DGKD: variants seen among roughly 807,000 people sequenced by gnomAD.
DGKD encodes DAG kinase delta.
In DGKD, 68 loss-of-function variants were observed where a neutral mutation model predicts 154.4. The ratio of observed to expected loss-of-function variants is 0.44; its 90% CI spans 0.36 to 0.54. The LOEUF (loss-of-function observed/expected upper bound fraction) is 0.54, where lower values mean the gene tolerates loss of function less well. Among genes scored for constraint, DGKD ranks in the 20% least tolerant of loss-of-function variants. The pLI, the probability that DGKD is intolerant of heterozygous loss-of-function variation, is 0.00. For synonymous variants in DGKD, 693 were observed against 638.0 expected, an observed-to-expected ratio of 1.09 and a Z score of -1.30; for missense variants, 1,343 against 1,593.6, an observed-to-expected ratio of 0.84 and a Z score of 2.68.
At chr2:233,454,691 T>G in intron 18 of DGKD, 72 bp from the exon 19 acceptor site, 1 of 868,950 alleles carries the variant, frequency 1.2e-6, no homozygotes, top group Non-Finnish European at 1.9e-6. Flanking sequence ...AGAGAAATGC[T>G]GAGAGGTTGG....
At chr2:233,466,462 C>T (rs2063825531) in intron 27 of DGKD, among the ~76,000 whole-genome samples, 1 of 152,010 alleles carries the variant, frequency 6.6e-6, no homozygotes, top group South Asian at 2.1e-4. Context: ...CATAGTTTTA[C>T]TTTCAAGCTT....
chr2:233,378,273 G>A (rs1383028658), intron 1 of DGKD, among the ~76,000 whole-genome samples: 2 of 152,072 alleles, frequency 1.3e-5, no homozygotes, highest in African/African-American at 4.8e-5. Context: ...TTAGCTGGAT[G>A]TGGTGGCGGG....
At position 233,437,491 on chromosome 2, in the gene DGKD, A is replaced by G. The variant is rs2062738243; in HGVS notation, c.922+12A>G. On this transcript the variant is annotated intron_variant, in intron 8 of 29. Transcript: ENST00000264057. ...CATCGACTCCGATGGTGGGTACCAC[A>G]CATGCTTATCCTTCTCATGCACGCC... The G allele has an allele frequency of 1.2e-6, 2 of 1,612,630 alleles. No individual in the cohort carries two copies. The highest frequency in any genetic ancestry group is 2.2e-5 in the South Asian group (2 of 90,864).
intron 3 of DGKD, among the ~76,000 whole-genome samples, chr2:233,394,690 CCTTTTTTTTTTTTTTTTT>C (rs1286751021): frequency 6.0e-5 from 5 of 83,252 alleles, no homozygotes; most frequent in Non-Finnish European, 9.4e-5. Context: ...AATTTAATTC[CCTTTTTTTTTTTTTTTTT>C]TTTTTTTTTT....
chr2:233,355,833 G>T (rs1406909236), intron 1 of DGKD, among the ~76,000 whole-genome samples: 2 of 152,218 alleles, frequency 1.3e-5, no homozygotes, highest in Non-Finnish European at 2.9e-5. Flanking sequence ...ACTTGACATG[G>T]TTAGTTTATT....
chr2:233,454,631 TA>T (rs1450249049), intron 18 of DGKD, 131 bp from the exon 19 acceptor site: 1 of 615,642 alleles, frequency 1.6e-6, no homozygotes, highest in East Asian at 2.8e-5. Flanking sequence ...TATATCTTAA[TA>T]AATCTCTTAG....
At chr2:233,469,308 C>A in intron 29 of DGKD, 63 bp from the exon 30 acceptor site, 1 of 1,432,330 alleles carries the variant, frequency 7.0e-7, no homozygotes, top group Non-Finnish European at 9.6e-7. Flanking sequence ...GGCAGGCCTG[C>A]TGTGGAGCCC....
chr2:233,442,014 G>C lies in DGKD; in HGVS notation c.1194+19G>C. The C allele has an allele frequency of 1.9e-6, 3 of 1,605,944 alleles. No homozygotes were observed. Among genetic ancestry groups the C allele is most frequent in the Non-Finnish European group, 1.7e-6 (2 of 1,172,592 alleles). ...TAAACAGGTACCAGGACAGGAGGGA[G>C]CCCAGCCAGGAGCAGAGAGGGTGCG... On this transcript the variant is annotated intron_variant, in intron 10 of 29. Transcript: ENST00000264057.
intron 10 of DGKD, among the ~76,000 whole-genome samples, chr2:233,444,966 T>A (rs1395225078): frequency 6.6e-6 from 1 of 151,800 alleles, no homozygotes; most frequent in Non-Finnish European, 1.5e-5. Context: ...TCCTAAGCAA[T>A]GGAATGGTGT....
chr2:233,448,067 G>A lies in DGKD; in HGVS notation c.1420-20G>A. 6.2e-7 allele frequency: 1 copy of A among 1,613,696 alleles called. No homozygotes were observed. Among genetic ancestry groups the A allele is most frequent in the Non-Finnish European group, 8.5e-7 (1 of 1,179,950 alleles). On this transcript the variant is annotated intron_variant, in intron 12 of 29. Coordinates refer to ENST00000264057, the MANE Select transcript of DGKD (RefSeq NM_152879.3). The stretch of plus-strand genomic sequence containing the variant: ...GCTGTCACAGAGACCAACAGTCCTG[G>A]CCATTTGGGGTGATTGCAGGTACAG...
intron 3 of DGKD, among the ~76,000 whole-genome samples, chr2:233,415,420 G>A (rs1250573084): frequency 6.6e-6 from 1 of 152,206 alleles, no homozygotes; most frequent in African/African-American, 2.4e-5. Flanking sequence ...GGTGATGTCA[G>A]CTCCTTCACC....
At chr2:233,375,018 G>C (rs1408176978) in intron 1 of DGKD, among the ~76,000 whole-genome samples, 1 of 152,160 alleles carries the variant, frequency 6.6e-6, no homozygotes, top group African/African-American at 2.4e-5. Context: ...AGCCGGGCGT[G>C]GTGGCTCATG....
At position 233,410,638 on chromosome 2, in the gene DGKD, C is replaced by T. The variant is rs142230513; in HGVS notation, c.348+20155C>T. 7.1e-3 allele frequency among the ~76,000 whole-genome samples: 1,081 copies of T among 152,314 alleles called. 9 individuals are homozygous for T. The highest frequency in any genetic ancestry group is 0.025 in the African/African-American group (1,024 of 41,558). On this transcript the variant is annotated intron_variant, in intron 3 of 29. Transcript: ENST00000264057. ...TTGGATGATAAGCTATATGGTCACCCTGCTTATTCAGAGAAAGGTTCATAG... is the reference window on the plus strand; with the variant it reads ...TTGGATGATAAGCTATATGGTCACCTTGCTTATTCAGAGAAAGGTTCATAG...
In DGKD at chr2:233,463,905, C is replaced by T. The variant is rs111562986; in HGVS notation, c.3187-259C>T. Reference sequence around the variant, plus strand: ...CGACCCCATTTCTGACAGAGGGACACAAGCAGGTCAGTTGTCAGCCTTGCT... The same window carrying T: ...CGACCCCATTTCTGACAGAGGGACATAAGCAGGTCAGTTGTCAGCCTTGCT... On this transcript the variant is annotated intron_variant, in intron 26 of 29. Transcript: ENST00000264057. The T allele has an allele frequency of 5.0e-3, 2,341 of 469,548 alleles. 43 individuals are homozygous for T. The highest frequency in any genetic ancestry group is 0.04 in the African/African-American group (2,077 of 52,004). The allele number at this position is 469,548 out of a possible 1,614,324, so 29.1% of individuals were successfully genotyped here.
At chr2:233,435,988 C>T in intron 6 of DGKD, 64 bp downstream of exon 6, 1 of 1,460,792 alleles carries the variant, frequency 6.8e-7, no homozygotes, top group Non-Finnish European at 9.3e-7. Context: ...CGGCCCCATG[C>T]AAGCCTCCTC....
At chr2:233,421,237 TC>T (rs1224082968) in intron 3 of DGKD, among the ~76,000 whole-genome samples, 1 of 152,026 alleles carries the variant, frequency 6.6e-6, no homozygotes, top group African/African-American at 2.4e-5. Flanking sequence ...ACCCACAGTG[TC>T]CCCTTCCTGG....
intron 12 of DGKD, chr2:233,447,420 GCAACGGT>G: frequency 1.0e-6 from 1 of 959,846 alleles, no homozygotes; most frequent in Non-Finnish European, 1.2e-6. Flanking sequence ...AGGGGCTAGG[GCAACGGT>G]CAGCAAACAA....
chr2:233,437,411 A>C lies in DGKD; in HGVS notation c.854A>C (p.Lys285Thr). The C allele has an allele frequency of 6.2e-7, 1 of 1,614,238 alleles. No individual in the cohort carries two copies. Among genetic ancestry groups the C allele is most frequent in the South Asian group, 1.1e-5 (1 of 91,072 alleles). The stretch of plus-strand genomic sequence containing the variant: ...TCGTGTAAAGAATCCTTGCTGACCA[A>C]GTGCCCACTTGGCCTGTGCAAAGTG... ...HTSCKESLLT[K>T]CPLGLCKVSV... Residue 285 changes from lysine to threonine, a missense_variant, in exon 8 of 30, where the codon AAG becomes ACG. By Grantham distance (78) the Lys-to-Thr change is moderately conservative. Coordinates refer to ENST00000264057, the MANE Select transcript of DGKD (RefSeq NM_152879.3).
At chr2:233,422,336 G>A (rs1220000910) in intron 3 of DGKD, among the ~76,000 whole-genome samples, 2 of 152,190 alleles carry the variant, frequency 1.3e-5, no homozygotes, top group Admixed American at 6.5e-5. Context: ...CATTTCCAGG[G>A]CCCTGCCTTG....
Sources: gnomAD v4.1 joint callset for allele counts (sites outside exome capture counted in the v4.1 genomes callset) on GRCh38, gnomAD v4.1.1 for gene constraint, MANE v1.5 for transcripts, NCBI Gene and HGNC (gene_info 2026-07-23, HGNC 2026-07-21) for gene names.